Variants in ABI3BP observed in about 807,000 individuals in gnomAD.
ABI3BP encodes the protein ABI family member 3 binding protein.
In ABI3BP, 216 loss-of-function variants were observed where a neutral mutation model predicts 268.6. The ratio of observed to expected loss-of-function variants is 0.80; its 90% CI spans 0.72 to 0.90. The LOEUF (loss-of-function observed/expected upper bound fraction) is 0.90, where lower values mean the gene tolerates loss of function less well. Ranked by LOEUF, ABI3BP falls within the 40% of genes least tolerant of loss-of-function variation. The probability of loss-of-function intolerance (pLI) is 0.00; values close to 1 mark genes in which losing one functional copy is unlikely to be tolerated. For synonymous variants in ABI3BP, 730 were observed against 730.0 expected (o/e 1.00, Z 0.00); for missense variants, 2,090 against 2,182.4 (o/e 0.96, Z 0.84).
At chr3:100,855,606 A>G (rs553657769) in intron 14 of ABI3BP, among the ~76,000 whole-genome samples, 1 of 152,384 alleles carries the variant, frequency 6.6e-6, no homozygotes, top group East Asian at 1.9e-4. Context: ...TTAAGCTCTT[A>G]GTAAGGATAA....
At chr3:100,829,947 G>A (rs1393968318) in intron 32 of ABI3BP, among the ~76,000 whole-genome samples, 1 of 150,834 alleles carries the variant, frequency 6.6e-6, no homozygotes, top group African/African-American at 2.4e-5. Context: ...GCGGTGATGG[G>A]GGTAAGTATA....
chr3:100,989,765 C>T (rs1490244161), intron 1 of ABI3BP, among the ~76,000 whole-genome samples: 1 of 152,210 alleles, frequency 6.6e-6, no homozygotes, highest in Non-Finnish European at 1.5e-5. Flanking sequence ...CCTTTCATTA[C>T]ATATTGTTCT....
chr3:100,816,321 T>C (rs1481569913), intron 43 of ABI3BP: 5 of 440,202 alleles, frequency 1.1e-5, no homozygotes, highest in Non-Finnish European at 2.0e-5. Context: ...ACTTGTTGCT[T>C]TTCTTGGAAG....
chr3:100,830,908 T>A (rs1162905615), intron 31 of ABI3BP, among the ~76,000 whole-genome samples: 2 of 152,134 alleles, frequency 1.3e-5, no homozygotes, highest in Non-Finnish European at 2.9e-5. Flanking sequence ...TGGTTAACCA[T>A]GATTCGAATG....
intron 43 of ABI3BP, 192 bp downstream of exon 43, chr3:100,816,496 A>T: frequency 1.5e-6 from 1 of 663,234 alleles, no homozygotes; most frequent in South Asian, 1.7e-5. Flanking sequence ...TCAGGCACAC[A>T]AGTGGCTCCA....
At chr3:100,870,400 T>G (rs926980645) in intron 9 of ABI3BP, among the ~76,000 whole-genome samples, 3 of 151,554 alleles carry the variant, frequency 2.0e-5, no homozygotes, top group Non-Finnish European at 4.4e-5. Flanking sequence ...TAGACATTTC[T>G]CCAAAGAAGA....
intron 6 of ABI3BP, among the ~76,000 whole-genome samples, chr3:100,879,624 T>C (rs1178659437): frequency 6.6e-6 from 1 of 152,248 alleles, no homozygotes; most frequent in Admixed American, 6.5e-5. Flanking sequence ...GTTTCTGTTC[T>C]GAGTTCTGAC....
intron 6 of ABI3BP, among the ~76,000 whole-genome samples, chr3:100,879,753 T>C (rs1402678389): frequency 3.3e-5 from 5 of 152,214 alleles, no homozygotes; most frequent in African/African-American, 9.6e-5. Context: ...CAATTTTTTT[T>C]CTAGGCCTAG....
chr3:100,755,067 G>C (rs573154474), intron 63 of ABI3BP, among the ~76,000 whole-genome samples: 11 of 152,290 alleles, frequency 7.2e-5, no homozygotes, highest in Non-Finnish European at 1.3e-4. Flanking sequence ...GGGCCAAGAA[G>C]TGGCAAGATT....
Position 100,817,485 on chromosome 3 carries a change from T to A in ABI3BP, c.3099A>T (p.Thr1033=). The A allele has an allele frequency of 6.7e-7, 1 of 1,499,418 alleles. No homozygotes were observed. The highest frequency in any genetic ancestry group is 8.9e-7 in the Non-Finnish European group (1 of 1,123,354). 92.9% of individuals were successfully genotyped at this position (1,499,418 alleles called of 1,614,324 possible). A position where few individuals can be genotyped will look rare whatever the true frequency, so the allele number is the denominator to read the frequency against. Residue 1033 remains threonine, a synonymous_variant, in exon 42 of 68, where the codon ACA becomes ACT. Coordinates refer to ENST00000471714, the MANE Select transcript of ABI3BP (RefSeq NM_001375547.2). The part of the protein sequence containing the change: ...TEAPKTMVVT[T]VLEPDTFRTK... ...TTCTAAAAGTGTCAGGTTCAAGGAC[T>A]GTAGTAACAACTAGACAAAAATAAT...
chr3:100,909,008 T>C (rs745848872), intron 2 of ABI3BP, among the ~76,000 whole-genome samples: 1 of 152,120 alleles, frequency 6.6e-6, no homozygotes, highest in Non-Finnish European at 1.5e-5. Context: ...CTTCAAACTA[T>C]ACCACAAGGC....
intron 15 of ABI3BP, 78 bp downstream of exon 15, chr3:100,851,797 T>C: frequency 7.8e-7 from 1 of 1,276,444 alleles, no homozygotes; most frequent in South Asian, 1.4e-5. Flanking sequence ...AATTTTCCAC[T>C]CTGCAAAAAC....
intron 44 of ABI3BP, among the ~76,000 whole-genome samples, chr3:100,814,977 CA>C (rs895326643): frequency 4.4e-4 from 67 of 152,186 alleles, no homozygotes; most frequent in African/African-American, 1.6e-3. Context: ...AAATGATATT[CA>C]AGCTTATTGT....
intron 2 of ABI3BP, among the ~76,000 whole-genome samples, chr3:100,919,071 G>A (rs758363519): frequency 8.5e-5 from 13 of 152,264 alleles, no homozygotes; most frequent in African/African-American, 1.9e-4. Context: ...GCCTCTTGCC[G>A]TCTCTCTAAG....
At chr3:100,893,226 C>T (rs1183574047) in intron 4 of ABI3BP, among the ~76,000 whole-genome samples, 2 of 152,222 alleles carry the variant, frequency 1.3e-5, no homozygotes, top group South Asian at 2.1e-4. Flanking sequence ...GCCAGGGGCT[C>T]TTGGGTCTTC....
chr3:100,873,528 A>G (rs2099131063), intron 9 of ABI3BP, among the ~76,000 whole-genome samples: 1 of 152,148 alleles, frequency 6.6e-6, no homozygotes, highest in African/African-American at 2.4e-5. Context: ...TTCCCAGTGG[A>G]TGCATGCTCT....
At position 100,812,488 on chromosome 3, in the gene ABI3BP, CAGTA is replaced by C. The variant is rs2097886478; in HGVS notation, c.3396_3399del (p.Ser1132ArgfsTer8). 10 of 1,325,626 alleles carry C rather than the reference CAGTA, an allele frequency of 7.5e-6. No individual in the cohort carries two copies. Among genetic ancestry groups the C allele is most frequent in the Non-Finnish European group, 9.6e-6 (10 of 1,039,078 alleles). The allele number at this position is 1,325,626 out of a possible 1,614,324, so 82.1% of individuals were successfully genotyped here. A position where few individuals can be genotyped will look rare whatever the true frequency, so the allele number is the denominator to read the frequency against. On this transcript the variant is annotated frameshift_variant, in exon 46 of 68. Coordinates refer to ENST00000471714, the MANE Select transcript of ABI3BP (RefSeq NM_001375547.2). LOFTEE classifies it high-confidence loss of function. The stretch of plus-strand genomic sequence containing the variant: ...TTACCTATGGTCTCCTTTGGTGACT[CAGTA>C]CTAAGTGTAACCGATTCCAGAACAT...
chr3:100,819,236 G>A (rs984838307), intron 40 of ABI3BP, among the ~76,000 whole-genome samples: 32 of 152,216 alleles, frequency 2.1e-4, no homozygotes, highest in Admixed American at 1.6e-3. Flanking sequence ...CTTAGAAGCC[G>A]AATCCTGTGT....
At chr3:100,893,053 G>A (rs2045514868) in intron 4 of ABI3BP, among the ~76,000 whole-genome samples, 1 of 152,154 alleles carries the variant, frequency 6.6e-6, no homozygotes, top group African/African-American at 2.4e-5. Flanking sequence ...CATCTAATCA[G>A]CTGACAGCAT....
Sources: gnomAD v4.1 joint callset for allele counts (sites outside exome capture counted in the v4.1 genomes callset) on GRCh38, gnomAD v4.1.1 for gene constraint, MANE v1.5 for transcripts, NCBI Gene and HGNC (gene_info 2026-07-23, HGNC 2026-07-21) for gene names.